PLXNC1: variants seen among roughly 807,000 people sequenced by gnomAD.
PLXNC1 encodes the protein plexin-C1.
A neutral mutation model predicts 178.2 loss-of-function variants in PLXNC1; 75 were observed. That is an observed-to-expected ratio of 0.42 (90% CI 0.35 to 0.51). PLXNC1 has a LOEUF of 0.51. Ranked by LOEUF, PLXNC1 falls within the 20% of genes least tolerant of loss-of-function variation. The pLI is 0.02. For missense variants in PLXNC1, 1,503 were observed against 1,984.4 expected (o/e 0.76, Z 4.61); for synonymous variants, 790 against 779.9 (o/e 1.01, Z -0.22).
At chr12:94,199,581 G>A (rs1351171962) in intron 4 of PLXNC1, among the ~76,000 whole-genome samples, 2 of 152,174 alleles carry the variant, frequency 1.3e-5, no homozygotes, top group Admixed American at 6.5e-5. Context: ...TCCAACACCA[G>A]AAGGGGTCTG....
At chr12:94,195,539 A>ACTGG (rs1210081650) in intron 4 of PLXNC1, among the ~76,000 whole-genome samples, 1 of 152,202 alleles carries the variant, frequency 6.6e-6, no homozygotes, top group East Asian at 1.9e-4. Context: ...TCCACCCTGC[A>ACTGG]CTGGGTACAC....
chr12:94,169,803 A>G (rs1033070046), intron 2 of PLXNC1, among the ~76,000 whole-genome samples: 4 of 152,148 alleles, frequency 2.6e-5, no homozygotes, highest in African/African-American at 2.4e-5. Context: ...CACCACAGAG[A>G]GGTTAGAGAT....
In PLXNC1 at chr12:94,227,146, C is replaced by T; in HGVS notation, c.1894-3C>T. The T allele has an allele frequency of 6.2e-7, 1 of 1,600,102 alleles. No individual in the cohort carries two copies. Among genetic ancestry groups the T allele is most frequent in the Non-Finnish European group, 8.6e-7 (1 of 1,167,248 alleles). On this transcript the variant is annotated splice_polypyrimidine_tract_variant and splice_region_variant and intron_variant, in intron 8 of 30. Transcript: ENST00000258526. ...GATGTTGAAGGGATGTTCTCCATTCCAGGAACAGTGTCCAGTGGCTGTCGA... is the reference window on the plus strand; with the variant it reads ...GATGTTGAAGGGATGTTCTCCATTCTAGGAACAGTGTCCAGTGGCTGTCGA...
At chr12:94,267,897 C>T (rs1189489764) in intron 21 of PLXNC1, among the ~76,000 whole-genome samples, 1 of 152,236 alleles carries the variant, frequency 6.6e-6, no homozygotes, top group East Asian at 1.9e-4. Context: ...TACACCCAGC[C>T]ATTTTAGGAC....
At chr12:94,233,741 A>C (rs1248498312) in intron 9 of PLXNC1, among the ~76,000 whole-genome samples, 2 of 151,984 alleles carry the variant, frequency 1.3e-5, no homozygotes, top group Non-Finnish European at 2.9e-5. Context: ...TCCATTTCAC[A>C]CTCTAATTTT....
intron 5 of PLXNC1, among the ~76,000 whole-genome samples, chr12:94,214,386 C>T (rs2136010229): frequency 6.6e-6 from 1 of 152,276 alleles, no homozygotes; most frequent in Admixed American, 6.5e-5. Context: ...CATGCCCATC[C>T]TAGAAACATT....
intron 9 of PLXNC1, among the ~76,000 whole-genome samples, chr12:94,236,432 C>G (rs7978522): frequency 0.068 from 10,357 of 152,170 alleles, 476 homozygotes; most frequent in African/African-American, 0.13. Flanking sequence ...TACAAAGGAG[C>G]AGAGGATACT....
intron 21 of PLXNC1, among the ~76,000 whole-genome samples, chr12:94,266,900 G>T (rs148237761): frequency 6.6e-6 from 1 of 152,202 alleles, no homozygotes; most frequent in Non-Finnish European, 1.5e-5. Flanking sequence ...ACCAGTGCCC[G>T]GGCTTTCCCT....
chr12:94,166,988 C>T (rs1293468618), intron 1 of PLXNC1, among the ~76,000 whole-genome samples: 1 of 152,058 alleles, frequency 6.6e-6, no homozygotes, highest in East Asian at 1.9e-4. Flanking sequence ...TGGTCTCCAA[C>T]TCTTGGCCTC....
chr12:94,190,812 A>C (rs1289337217), intron 4 of PLXNC1, among the ~76,000 whole-genome samples: 1 of 152,162 alleles, frequency 6.6e-6, no homozygotes, highest in African/African-American at 2.4e-5. Flanking sequence ...TATGCTAAGC[A>C]TGTTCCTGCC....
At chr12:94,176,949 A>T (rs980196104) in intron 2 of PLXNC1, among the ~76,000 whole-genome samples, 1 of 151,454 alleles carries the variant, frequency 6.6e-6, no homozygotes, top group African/African-American at 2.4e-5. Context: ...CCTTGTTTGT[A>T]CTATAGTTTA....
At chr12:94,270,967 C>T (rs772605389) in intron 21 of PLXNC1, among the ~76,000 whole-genome samples, 20 of 152,126 alleles carry the variant, frequency 1.3e-4, no homozygotes, top group Non-Finnish European at 2.5e-4. Context: ...TGTCCCAGGG[C>T]TGCTGACTCT....
chr12:94,285,626 G>A, intron 23 of PLXNC1, among the ~76,000 whole-genome samples: 1 of 152,122 alleles, frequency 6.6e-6, no homozygotes, highest in Admixed American at 6.6e-5. Flanking sequence ...CAGGAATAAG[G>A]GGCATCTTTG....
At chr12:94,287,168 T>C (rs1426207274) in intron 23 of PLXNC1, among the ~76,000 whole-genome samples, 1 of 152,262 alleles carries the variant, frequency 6.6e-6, no homozygotes, top group Non-Finnish European at 1.5e-5. Flanking sequence ...GGTGCATTTC[T>C]GTTCCAGTGT....
At chr12:94,304,889 G>C (rs138777199) in intron 30 of PLXNC1, among the ~76,000 whole-genome samples, 14 of 152,330 alleles carry the variant, frequency 9.2e-5, no homozygotes, top group Non-Finnish European at 2.1e-4. Context: ...AATGCTTGCT[G>C]TGCTTGGAAT....
chr12:94,272,549 C>T (rs1248495321), intron 21 of PLXNC1, among the ~76,000 whole-genome samples: 5 of 152,192 alleles, frequency 3.3e-5, no homozygotes, highest in African/African-American at 9.7e-5. Context: ...GCCTCCTGGC[C>T]CTGCCATCCT....
chr12:94,306,879 A>T lies in PLXNC1; in HGVS notation c.*1594A>T, dbSNP rs1409096172. ...TTTGACCATTGTCTGTCCAACGGAC[A>T]CACCTCAAACAAACAAAACTACCAA... On this transcript the variant is annotated 3_prime_UTR_variant, in exon 31 of 31. Coordinates refer to ENST00000258526, the MANE Select transcript of PLXNC1 (RefSeq NM_005761.3). 6.6e-6 allele frequency: 1 copy of T among 152,208 alleles called. No homozygotes were observed. Among genetic ancestry groups the T allele is most frequent in the African/African-American group, 2.4e-5 (1 of 41,450 alleles). 9.4% of individuals were successfully genotyped at this position (152,208 alleles called of 1,614,324 possible).
At chr12:94,172,701 G>A (rs539542064) in intron 2 of PLXNC1, among the ~76,000 whole-genome samples, 2 of 152,190 alleles carry the variant, frequency 1.3e-5, no homozygotes, top group African/African-American at 2.4e-5. Flanking sequence ...TTTGTAAAAA[G>A]TATTTTTAAA....
intron 28 of PLXNC1, among the ~76,000 whole-genome samples, chr12:94,301,784 T>C (rs1968491489): frequency 1.3e-5 from 2 of 152,170 alleles, no homozygotes; most frequent in African/African-American, 4.8e-5. Context: ...TTATCAGCAG[T>C]ATTTCTGCAA....
Sources: gnomAD v4.1 joint callset for allele counts (sites outside exome capture counted in the v4.1 genomes callset) on GRCh38, gnomAD v4.1.1 for gene constraint, MANE v1.5 for transcripts, NCBI Gene and HGNC (gene_info 2026-07-23, HGNC 2026-07-21) for gene names.